KIF5C: variants seen among roughly 807,000 people sequenced by gnomAD.
The protein encoded by KIF5C is kinesin family member 5C, also known as kinesin heavy chain isoform 5C.
In KIF5C, 18 loss-of-function variants were observed where a neutral mutation model predicts 125.2. The ratio of observed to expected loss-of-function variants is 0.14; its 90% CI spans 0.10 to 0.21. The LOEUF (loss-of-function observed/expected upper bound fraction) is 0.21. KIF5C is among the 10% of genes least tolerant of loss of function. The pLI, the probability that KIF5C is intolerant of heterozygous loss-of-function variation, is 1.00. For synonymous variants in KIF5C, 405 were observed against 434.0 expected, an observed-to-expected ratio of 0.93 and a Z score of 0.83; for missense variants, 780 against 1,183.8, an observed-to-expected ratio of 0.66 and a Z score of 5.01.
At chr2:148,955,800 A>G (rs1682777764) in intron 10 of KIF5C, among the ~76,000 whole-genome samples, 1 of 152,148 alleles carries the variant, frequency 6.6e-6, no homozygotes, top group African/African-American at 2.4e-5. Context: ...CACCATTCAC[A>G]GTGCAGAATC....
At chr2:148,998,246 G>A in intron 18 of KIF5C, 154 bp from the exon 19 acceptor site, 2 of 1,272,880 alleles carry the variant, frequency 1.6e-6, no homozygotes, top group South Asian at 1.5e-5. Context: ...AGCAAGGCCG[G>A]GTCCTGGGGG....
intron 11 of KIF5C, among the ~76,000 whole-genome samples, chr2:148,967,484 T>C (rs886543463): frequency 2.0e-5 from 3 of 152,166 alleles, no homozygotes; most frequent in African/African-American, 7.2e-5. Flanking sequence ...GGGAATACTG[T>C]GCTTGCTGGT....
chr2:148,968,595 T>A (rs1680810152), intron 11 of KIF5C, among the ~76,000 whole-genome samples: 1 of 152,068 alleles, frequency 6.6e-6, no homozygotes, highest in African/African-American at 2.4e-5. Flanking sequence ...TAAGAGAATG[T>A]TGTGGCCTGT....
intron 1 of KIF5C, among the ~76,000 whole-genome samples, chr2:148,902,798 C>T (rs766506927): frequency 2.6e-5 from 4 of 152,182 alleles, no homozygotes; most frequent in Non-Finnish European, 5.9e-5. Flanking sequence ...CCCTTTAAAC[C>T]TTTTCCCTGC....
Position 149,010,273 on chromosome 2 carries a change from T to A in KIF5C, c.2689T>A (p.Tyr897Asn). ...GAACGCCATGCGGGACCGTAAGCGC[T>A]ACCAGCAGGAGGTGGATCGTATCAA... ...KENAMRDRKR[Y>N]QQEVDRIKEA... is the part of the protein sequence containing the mutation. Residue 897 changes from tyrosine to asparagine, a missense_variant, in exon 24 of 26, where the codon TAC becomes AAC. This residue lies in a region of KIF5C where 573 missense variants were observed against 742.6 expected (regional missense o/e 0.77). Transcript: ENST00000435030. 6.3e-7 allele frequency: 1 copy of A among 1,595,728 alleles called. No individual in the cohort carries two copies. The highest frequency in any genetic ancestry group is 8.5e-7 in the Non-Finnish European group (1 of 1,171,454).
chr2:148,879,283 C>T (rs1042659167), intron 1 of KIF5C: 4 of 152,178 alleles, frequency 2.6e-5, no homozygotes, highest in African/African-American at 9.7e-5. Context: ...CTGTAGAAGG[C>T]ACTTAGTAAA....
chr2:148,913,480 GA>G (rs1197103625), intron 1 of KIF5C, among the ~76,000 whole-genome samples: 1 of 152,224 alleles, frequency 6.6e-6, no homozygotes, highest in Non-Finnish European at 1.5e-5. Flanking sequence ...TCTGAAGAGT[GA>G]AAAAAAGTTA....
At chr2:149,004,674 T>A (rs1681952812) in intron 21 of KIF5C, among the ~76,000 whole-genome samples, 1 of 152,206 alleles carries the variant, frequency 6.6e-6, no homozygotes, top group African/African-American at 2.4e-5. Context: ...TATGCATCAA[T>A]AAATTCATAC....
At chr2:148,961,410 G>T (rs1456131665) in intron 10 of KIF5C, among the ~76,000 whole-genome samples, 1 of 152,050 alleles carries the variant, frequency 6.6e-6, no homozygotes, top group East Asian at 1.9e-4. Flanking sequence ...AATACATCAG[G>T]GGTGGTTTTG....
intron 16 of KIF5C, among the ~76,000 whole-genome samples, 170 bp from the exon 17 acceptor site, chr2:148,994,251 G>A (rs912617555): frequency 2.0e-5 from 3 of 152,154 alleles, no homozygotes; most frequent in Non-Finnish European, 4.4e-5. Flanking sequence ...GGTCTGTCTT[G>A]GTATGATTCT....
chr2:148,899,898 ATGCCT>A (rs1680829044), intron 1 of KIF5C, among the ~76,000 whole-genome samples: 1 of 152,060 alleles, frequency 6.6e-6, no homozygotes, highest in Non-Finnish European at 1.5e-5. Flanking sequence ...AATGTAGGGT[ATGCCT>A]GGGCATTAAG....
rs545413592 is a variant in KIF5C, at chr2:148,948,326, C to T, written c.714+1303C>T. Among the ~76,000 whole-genome samples the T allele has an allele frequency of 2.7e-5, 4 of 149,302 alleles. No individual in the cohort carries two copies. In the East Asian group the frequency reaches 7.9e-4, roughly 29 times the overall value. ...GAGCCGAGATCGTGCCACTGCACTC[C>T]AGCCTGGGTGACAGAGGGAGACTCT... On this transcript the variant is annotated intron_variant, in intron 8 of 25. Coordinates refer to ENST00000435030, the MANE Select transcript of KIF5C (RefSeq NM_004522.3).
At position 148,875,587 on chromosome 2, in the gene KIF5C, T is replaced by TCCCCCTGCCCCCCCCCCCCC; in HGVS notation, c.-27_-26insCTGCCCCCCCCCCCCCCCCC. The TCCCCCTGCCCCCCCCCCCCC allele has an allele frequency of 5.5e-6, 2 of 366,938 alleles. No individual in the cohort carries two copies. Among genetic ancestry groups the TCCCCCTGCCCCCCCCCCCCC allele is most frequent in the Admixed American group, 4.4e-5 (1 of 22,578 alleles). 22.7% of individuals were successfully genotyped at this position (366,938 alleles called of 1,614,324 possible). A position where few individuals can be genotyped will look rare whatever the true frequency, so the allele number is the denominator to read the frequency against. On this transcript the variant is annotated 5_prime_UTR_variant, in exon 1 of 26. Transcript: ENST00000435030. The stretch of plus-strand genomic sequence containing the variant: ...GTTCCCGGCCCCGGCCCCCCACCCA[T>TCCCCCTGCCCCCCCCCCCCC]CCCCGTGCCCCCTCCCTACCGCCGG...
rs1682202915 is a variant in KIF5C, at chr2:149,011,642, G to A, written c.2840G>A (p.Gly947Asp). 1.2e-6 allele frequency: 2 copies of A among 1,613,956 alleles called. No homozygotes were observed. The highest frequency in any genetic ancestry group is 2.7e-5 in the African/African-American group (2 of 74,946). Reference sequence around the variant, plus strand: ...GTCCATGCCATTCGAGGGGGAGGAGGCAGCTCTTCAAATTCCACTCACTAC... The same window carrying A: ...GTCCATGCCATTCGAGGGGGAGGAGACAGCTCTTCAAATTCCACTCACTAC... ...TAVHAIRGGG[G>D]SSSNSTHYQK Residue 947 changes from glycine (G) to aspartate (D), a missense_variant, in exon 25 of 26, where the codon GGC (glycine) becomes GAC (aspartate). Gly to Asp is a moderately conservative substitution (Grantham distance 94). Around this residue, in one of 2 missense-constraint regions of KIF5C, gnomAD observed 573 missense variants for 742.6 expected, o/e 0.77. Coordinates refer to ENST00000435030, the MANE Select transcript of KIF5C (RefSeq NM_004522.3).
chr2:148,996,912 A>G (rs545732818), intron 17 of KIF5C, among the ~76,000 whole-genome samples: 4 of 152,298 alleles, frequency 2.6e-5, no homozygotes, highest in Admixed American at 6.5e-5. Context: ...GTTCATGCAC[A>G]TGACCTTGGG....
chr2:148,915,781 G>A (rs1681521593), intron 1 of KIF5C, among the ~76,000 whole-genome samples: 2 of 152,230 alleles, frequency 1.3e-5, no homozygotes, highest in Non-Finnish European at 2.9e-5. Flanking sequence ...AGAGTGAAGT[G>A]AGGCAGGGAA....
chr2:148,973,254 A>C, intron 11 of KIF5C, 82 bp from the exon 12 acceptor site: 1 of 1,500,224 alleles, frequency 6.7e-7, no homozygotes, highest in Non-Finnish European at 8.9e-7. Context: ...TTTCACCAGG[A>C]CTGATTATTT....
intron 1 of KIF5C, among the ~76,000 whole-genome samples, chr2:148,894,027 C>T (rs907682577): frequency 2.6e-5 from 4 of 152,186 alleles, no homozygotes; most frequent in Admixed American, 6.5e-5. Context: ...ACCACACACA[C>T]ATACACACAC....
chr2:149,011,659 A>G lies in KIF5C; in HGVS notation c.2857A>G (p.Thr953Ala), dbSNP rs369391176. 8.1e-6 allele frequency: 13 copies of G among 1,613,832 alleles called. No homozygotes were observed. The highest frequency in any genetic ancestry group is 1.0e-5 in the Non-Finnish European group (12 of 1,179,898). ...GGGAGGAGGCAGCTCTTCAAATTCCACTCACTACCAGAAATAAATACAAAG... is the reference window on the plus strand; with the variant it reads ...GGGAGGAGGCAGCTCTTCAAATTCCGCTCACTACCAGAAATAAATACAAAG... The part of the protein sequence containing the change: ...RGGGGSSSNS[T>A]HYQK The change falls in exon 25 of 26, where the codon ACT becomes GCT. Residue 953 changes from threonine (T) to alanine (A), a missense_variant. Thr to Ala is a moderately conservative substitution (Grantham distance 58, BLOSUM62 0). Around this residue, in one of 2 missense-constraint regions of KIF5C, gnomAD observed 573 missense variants for 742.6 expected, o/e 0.77. Transcript: ENST00000435030.
Sources: gnomAD v4.1 joint callset for allele counts (sites outside exome capture counted in the v4.1 genomes callset) on GRCh38, gnomAD v4.1.1 for gene constraint, gnomAD v4.1.1 regional missense constraint, MANE v1.5 for transcripts, NCBI Gene and HGNC (gene_info 2026-07-23, HGNC 2026-07-21) for gene names.